GTSE1: variants seen among roughly 807,000 people sequenced by gnomAD.
The protein encoded by GTSE1 is G2 and S phase-expressed protein 1.
Under a neutral mutation model 60.5 loss-of-function variants are expected in GTSE1, and 52 were observed. The observed-to-expected ratio is 0.86, with a 90% CI of 0.69 to 1.08. The LOEUF (loss-of-function observed/expected upper bound fraction) is 1.08. Ranked by LOEUF, GTSE1 falls within the 50% of genes least tolerant of loss-of-function variation. GTSE1 has a pLI of 0.00. For synonymous variants in GTSE1, 368 were observed against 386.5 expected (o/e 0.95, Z 0.56); for missense variants, 937 against 961.8 (o/e 0.97, Z 0.34).
At chr22:46,300,800 C>T (rs568814139) in intron 2 of GTSE1, among the ~76,000 whole-genome samples, 1 of 152,326 alleles carries the variant, frequency 6.6e-6, no homozygotes, top group African/African-American at 2.4e-5. Context: ...TCTTTTTCCA[C>T]GCCAGACCAT....
At position 46,308,457 on chromosome 22, in the gene GTSE1, T is replaced by C; in HGVS notation, c.276T>C (p.Pro92=). 1 of 1,614,210 alleles carries C rather than the reference T, an allele frequency of 6.2e-7. No homozygotes were observed. Among genetic ancestry groups the C allele is most frequent in the Admixed American group, 1.7e-5 (1 of 60,030 alleles). ...CTGAGAGTCCCTTTGCCTGGAGCCC[T>C]CTGGCCGGGGAGAAGTTCGTGGAGG... The part of the protein sequence containing the change: ...PTSESPFAWS[P]LAGEKFVEVY... The change falls in exon 4 of 12, where the codon CCT becomes CCC. Residue 92 remains proline (P), a synonymous_variant. Coordinates refer to ENST00000454366, the MANE Select transcript of GTSE1 (RefSeq NM_016426.7).
intron 2 of GTSE1, among the ~76,000 whole-genome samples, chr22:46,307,616 G>T (rs567768648): frequency 9.2e-5 from 14 of 152,116 alleles, no homozygotes; most frequent in Non-Finnish European, 1.3e-4. Flanking sequence ...CGATTCTCCT[G>T]CCTCAGCCTC....
At position 46,313,339 on chromosome 22, in the gene GTSE1, A is replaced by C. The variant is rs977590967; in HGVS notation, c.928-551A>C. Among the ~76,000 whole-genome samples, 9 of 152,012 alleles carry C rather than the reference A, an allele frequency of 5.9e-5. No individual in the cohort carries two copies. Among genetic ancestry groups the C allele is most frequent in the African/African-American group, 2.2e-4 (9 of 41,370 alleles). ...AGCTGGGCCCTGCAGCTGCTGACTCATGGGGTCTGGGTTGGGGCCCCAAAT... is the reference window on the plus strand; with the variant it reads ...AGCTGGGCCCTGCAGCTGCTGACTCCTGGGGTCTGGGTTGGGGCCCCAAAT... On this transcript the variant is annotated intron_variant, in intron 5 of 11. Coordinates refer to ENST00000454366, the MANE Select transcript of GTSE1 (RefSeq NM_016426.7). The surrounding 1 kb of genome is among the most constrained non-coding windows in gnomAD (Gnocchi z 4.4).
intron 2 of GTSE1, among the ~76,000 whole-genome samples, chr22:46,303,180 G>T (rs1052000417): frequency 6.6e-6 from 1 of 152,144 alleles, no homozygotes; most frequent in East Asian, 1.9e-4. Context: ...GATTACAGAT[G>T]TGAGCCACCC....
At chr22:46,315,337 A>G (rs913206889) in intron 6 of GTSE1, among the ~76,000 whole-genome samples, 17 of 152,060 alleles carry the variant, frequency 1.1e-4, no homozygotes, top group Non-Finnish European at 2.1e-4. Context: ...GATTACAGGC[A>G]CGAGCCACTG....
rs561948939 is a variant in GTSE1, at chr22:46,320,730, G to A, written c.1433-2460G>A. Among the ~76,000 whole-genome samples the A allele has an allele frequency of 6.6e-6, 1 of 152,322 alleles. No individual in the cohort carries two copies. The highest frequency in any genetic ancestry group is 1.5e-5 in the Non-Finnish European group (1 of 68,018). On this transcript the variant is annotated intron_variant, in intron 7 of 11. Coordinates refer to ENST00000454366, the MANE Select transcript of GTSE1 (RefSeq NM_016426.7). This position sits in a 1 kb window ranked among gnomAD's most constrained non-coding sequence, Gnocchi z 7.1. ...ATGCTGCCGGGTCACCCAGAGGATT[G>A]AGACTTGGAATTCTGGCTGTGGGCT...
In GTSE1 at chr22:46,323,312, C is replaced by T. The variant is rs773514061; in HGVS notation, c.1505+50C>T. The T allele has an allele frequency of 3.8e-5, 51 of 1,346,202 alleles. 1 individual carries two copies. The highest frequency in any genetic ancestry group is 4.6e-5 in the Non-Finnish European group (43 of 937,414). 83.4% of individuals were successfully genotyped at this position (1,346,202 alleles called of 1,614,324 possible). Reference sequence around the variant, plus strand: ...CTCTTTATTGCTGTAGAATGACTCACGCATCTGCTTACCTCAACCATTTGG... The same window carrying T: ...CTCTTTATTGCTGTAGAATGACTCATGCATCTGCTTACCTCAACCATTTGG... On this transcript the variant is annotated intron_variant, in intron 8 of 11. Transcript: ENST00000454366.
rs1569040976 is a variant in GTSE1, at chr22:46,312,417, A to T, written c.927+112A>T. On this transcript the variant is annotated intron_variant, in intron 5 of 11. Transcript: ENST00000454366. ...CATTTTGGGAGGCCAAGGTGGGAGG[A>T]TCACTTGAGCCCAGGAGTTCAAGAC... The T allele has an allele frequency of 7.0e-6, 7 of 1,006,374 alleles. 1 individual carries two copies. Among genetic ancestry groups the T allele is most frequent in the Non-Finnish European group, 1.0e-5 (7 of 687,636 alleles). The allele number at this position is 1,006,374 out of a possible 1,614,324, so 62.3% of individuals were successfully genotyped here.
Position 46,313,925 on chromosome 22 carries a change from C to G in GTSE1, c.963C>G (p.Gly321=). ...AGAAGACCCTGTTAAAAGCACCCGG[C>G]TCTACCAGCAATCTCGCAAGGAAGT... ...GLKKTLLKAP[G]STSNLARKSS... The change falls in exon 6 of 12, where the codon GGC becomes GGG. Residue 321 remains glycine, a synonymous_variant. Coordinates refer to ENST00000454366, the MANE Select transcript of GTSE1 (RefSeq NM_016426.7). This position sits in a 1 kb window ranked among gnomAD's most constrained non-coding sequence, Gnocchi z 4.4. 6.2e-7 allele frequency: 1 copy of G among 1,614,172 alleles called. No individual in the cohort carries two copies. The highest frequency in any genetic ancestry group is 8.5e-7 in the Non-Finnish European group (1 of 1,179,968).
chr22:46,329,405 TG>T lies in GTSE1; in HGVS notation c.1975del (p.Ala659LeufsTer24). ...TGGAACCACTCGCGGTCACTCCAGATGCTGCAAGCCAGCCCCTCATTGACCT... is the reference window on the plus strand; with the variant it reads ...TGGAACCACTCGCGGTCACTCCAGATCTGCAAGCCAGCCCCTCATTGACCT... ...KLEPLAVTPDAASQPLIDLPL... is the reference protein window; with the variant it reads ...KLEPLAVTPDXASQPLIDLPL... On this transcript the variant is annotated frameshift_variant, in exon 11 of 12. Transcript: ENST00000454366. LOFTEE classifies it high-confidence loss of function. The surrounding 1 kb of genome is among the most constrained non-coding windows in gnomAD (Gnocchi z 6.4). 6.2e-7 allele frequency: 1 copy of T among 1,614,226 alleles called. No homozygotes were observed. The highest frequency in any genetic ancestry group is 8.5e-7 in the Non-Finnish European group (1 of 1,180,036).
At chr22:46,322,188 G>T (rs2077817360) in intron 7 of GTSE1, among the ~76,000 whole-genome samples, 1 of 152,092 alleles carries the variant, frequency 6.6e-6, no homozygotes, top group Non-Finnish European at 1.5e-5. Context: ...GAGCTTGGGT[G>T]CAGGCGCAGG....
At chr22:46,323,327 C>T in intron 8 of GTSE1, 65 bp downstream of exon 8, 1 of 1,240,050 alleles carries the variant, frequency 8.1e-7, no homozygotes, top group Non-Finnish European at 1.2e-6. Flanking sequence ...CTGCTTACCT[C>T]AACCATTTGG....
rs1302823366 is a variant in GTSE1, at chr22:46,314,442, G to A, written c.1051+429G>A. On this transcript the variant is annotated intron_variant, in intron 6 of 11. Coordinates refer to ENST00000454366, the MANE Select transcript of GTSE1 (RefSeq NM_016426.7). The surrounding 1 kb of genome is among the most constrained non-coding windows in gnomAD (Gnocchi z 7.1). ...TGAGGTCAAGCCACATTTCAACCTT[G>A]CCAAGCCACAGCTGCCATCTAGTGG... 6.6e-6 allele frequency among the ~76,000 whole-genome samples: 1 copy of A among 152,026 alleles called. No individual in the cohort carries two copies. The highest frequency in any genetic ancestry group is 2.4e-5 in the African/African-American group (1 of 41,402).
In GTSE1 at chr22:46,308,337, A is replaced by G. The variant is rs2077726810; in HGVS notation, c.156A>G (p.Glu52=). 1 of 1,612,788 alleles carries G rather than the reference A, an allele frequency of 6.2e-7. No homozygotes were observed. Among genetic ancestry groups the G allele is most frequent in the Non-Finnish European group, 8.5e-7 (1 of 1,178,910 alleles). The part of the protein sequence containing the change: ...LSSSSANEDD[E]VFFGPFGHKE... ...CAAATAGTGCAAATGAAGATGATGA[A>G]GTCTTCTTCGGACCCTTTGGACATA... Residue 52 remains glutamate, a synonymous_variant, in exon 4 of 12, where the codon GAA becomes GAG. Transcript: ENST00000454366.
rs1601900467 is a variant in GTSE1 at position 46,303,818 on chromosome 22, G to T, written c.80-4332G>T. Among the ~76,000 whole-genome samples, 11 of 152,256 alleles carry T rather than the reference G, an allele frequency of 7.2e-5. No individual in the cohort carries two copies. In the South Asian group the frequency reaches 2.1e-3, roughly 29 times the overall value. ...GTGAAATGGGAATGTTGTCGTGTGT[G>T]TCATTTCTGGGTGGAAATCTTCAAG... On this transcript the variant is annotated intron_variant, in intron 2 of 11. Transcript: ENST00000454366.
rs1417055307 is a variant in GTSE1 at position 46,330,419 on chromosome 22, G to A, written c.*289G>A. 6.6e-6 allele frequency: 2 copies of A among 304,672 alleles called. No individual in the cohort carries two copies. The highest frequency in any genetic ancestry group is 1.2e-5 in the Non-Finnish European group (2 of 162,314). 18.9% of individuals were successfully genotyped at this position (304,672 alleles called of 1,614,324 possible). ...ATGGCCTGAGCTCAAGGAGATGCAGGCTGCAGTGGGCTGTGATTGTGCCAC... is the reference window on the plus strand; with the variant it reads ...ATGGCCTGAGCTCAAGGAGATGCAGACTGCAGTGGGCTGTGATTGTGCCAC... On this transcript the variant is annotated 3_prime_UTR_variant, in exon 12 of 12. Coordinates refer to ENST00000454366, the MANE Select transcript of GTSE1 (RefSeq NM_016426.7). This position sits in a 1 kb window ranked among gnomAD's most constrained non-coding sequence, Gnocchi z 6.0.
In GTSE1 at chr22:46,328,757, T is replaced by A. The variant is rs1460634617; in HGVS notation, c.1794T>A (p.Gly598=). ...TGGTGGATGTGTCCCCTGACAGGGGTTCTCCTCCTTCCCGTGTGCCTCAGG... is the reference window on the plus strand; with the variant it reads ...TGGTGGATGTGTCCCCTGACAGGGGATCTCCTCCTTCCCGTGTGCCTCAGG... ...SRLVDVSPDR[G]SPPSRVPQAL... Residue 598 remains glycine (G), a synonymous_variant, in exon 10 of 12, where the codon GGT becomes GGA. Transcript: ENST00000454366. 3 of 1,613,646 alleles carry A rather than the reference T, an allele frequency of 1.9e-6. No homozygotes were observed. The highest frequency in any genetic ancestry group is 2.5e-6 in the Non-Finnish European group (3 of 1,179,534).
intron 7 of GTSE1, among the ~76,000 whole-genome samples, 172 bp from the exon 8 acceptor site, chr22:46,323,018 T>TA (rs2077822339): frequency 6.6e-6 from 1 of 152,252 alleles, no homozygotes; most frequent in Non-Finnish European, 1.5e-5. Flanking sequence ...GCCTCTCATG[T>TA]GGCTGCCTGC....
chr22:46,324,299 C>T lies in GTSE1; in HGVS notation c.1505+1037C>T, dbSNP rs1490992588. Among the ~76,000 whole-genome samples, 2 of 152,206 alleles carry T rather than the reference C, an allele frequency of 1.3e-5. No individual in the cohort carries two copies. Among genetic ancestry groups the T allele is most frequent in the Non-Finnish European group, 2.9e-5 (2 of 68,046 alleles). On this transcript the variant is annotated intron_variant, in intron 8 of 11. Transcript: ENST00000454366. This position sits in a 1 kb window ranked among gnomAD's most constrained non-coding sequence, Gnocchi z 5.2. Reference sequence around the variant, plus strand: ...GGCAGCCACTGGCCACCTCACTTGCCTCTCTGTGCCTCAGTTTCCTCACCT... The same window carrying T: ...GGCAGCCACTGGCCACCTCACTTGCTTCTCTGTGCCTCAGTTTCCTCACCT...
Sources: allele counts gnomAD v4.1 joint callset (sites outside exome capture counted in the v4.1 genomes callset), GRCh38; gene constraint gnomAD v4.1.1; non-coding constraint Gnocchi (gnomAD v3.1); transcripts MANE v1.5; gene names NCBI Gene and HGNC (gene_info 2026-07-23, HGNC 2026-07-21).